The following IL1RAPL2 variants were observed in gnomAD, a reference collection of about 807,000 sequenced individuals.
The protein encoded by IL1RAPL2 is interleukin 1 receptor accessory protein like 2, also known as X-linked interleukin-1 receptor accessory protein-like 2.
A neutral mutation model predicts 44.1 loss-of-function variants in IL1RAPL2; 3 were observed. The observed-to-expected ratio is 0.07, with a 90% confidence interval of 0.03 to 0.18. The LOEUF (loss-of-function observed/expected upper bound fraction) is 0.18. Ranked by LOEUF, IL1RAPL2 falls within the 10% of genes least tolerant of loss-of-function variation. The pLI is 1.00. For missense variants in IL1RAPL2, 391 were observed against 496.4 expected (o/e 0.79, Z 2.02); for synonymous variants, 181 against 178.8 (o/e 1.01, Z -0.10).
intron 5 of IL1RAPL2, among the ~76,000 whole-genome samples, chrX:105,298,193 A>G: frequency 9.0e-6 from 1 of 111,630 alleles, no homozygotes; most frequent in Admixed American, 9.6e-5. Flanking sequence ...ATTATTACTA[A>G]CTATAACCAC....
chrX:105,090,182 T>G (rs1475541660), intron 2 of IL1RAPL2, among the ~76,000 whole-genome samples: 1 of 111,240 alleles, frequency 9.0e-6, no homozygotes, highest in Non-Finnish European at 1.9e-5. Flanking sequence ...GCCATGAAAC[T>G]GGCATAAATA....
At chrX:104,809,139 T>C (rs1932948595) in intron 2 of IL1RAPL2, among the ~76,000 whole-genome samples, 1 of 112,024 alleles carries the variant, frequency 8.9e-6, no homozygotes, top group Non-Finnish European at 1.9e-5. Flanking sequence ...CTGATAGTTA[T>C]GTTTGGCCAG....
At chrX:105,120,509 G>A (rs1389917944) in intron 2 of IL1RAPL2, among the ~76,000 whole-genome samples, 3 of 111,292 alleles carry the variant, frequency 2.7e-5, no homozygotes, top group Non-Finnish European at 5.7e-5. Flanking sequence ...AAACTGGTAT[G>A]TATGTGATGT....
intron 2 of IL1RAPL2, among the ~76,000 whole-genome samples, chrX:104,683,048 G>A (rs1930917615): frequency 9.0e-6 from 1 of 111,544 alleles, no homozygotes; most frequent in African/African-American, 3.3e-5. Context: ...CTGGTAAGAA[G>A]GGACCGGATC....
intron 6 of IL1RAPL2, among the ~76,000 whole-genome samples, chrX:105,706,050 G>A (rs2038163446): frequency 9.0e-6 from 1 of 110,696 alleles, no homozygotes; most frequent in Non-Finnish European, 1.9e-5. Flanking sequence ...GCTTATAAAG[G>A]AAAGGGCAGG....
At chrX:105,708,212 C>T (rs899566547) in intron 6 of IL1RAPL2, among the ~76,000 whole-genome samples, 1 of 111,279 alleles carries the variant, frequency 9.0e-6, no homozygotes, top group Non-Finnish European at 1.9e-5. Flanking sequence ...TTTCTAGAGT[C>T]ACGGTGTGCA....
rs185828357 is a variant in IL1RAPL2 at position 105,287,733 on chromosome X, G to T, written c.697+20192G>T. On this transcript the variant is annotated intron_variant, in intron 5 of 10. Transcript: ENST00000372582. ...GATGTGGAGTATCAGATAAATAGAT[G>T]AGTGTCTCTTAAGTGATGATTAGGT... is the stretch of plus-strand genomic sequence containing the variant. 1.1e-4 allele frequency among the ~76,000 whole-genome samples: 12 copies of T among 111,385 alleles called. No individual in the cohort carries two copies. In the East Asian group the frequency reaches 3.4e-3, roughly 32 times the overall value.
intron 6 of IL1RAPL2, among the ~76,000 whole-genome samples, chrX:105,640,654 G>GTATATATATATATATA (rs768814568): frequency 3.4e-5 from 2 of 59,475 alleles, no homozygotes; most frequent in Admixed American, 2.4e-4. Flanking sequence ...GTATGTGTGT[G>GTATATATATATATATA]TATATATATA....
At chrX:104,989,635 A>G (rs1204938449) in intron 2 of IL1RAPL2, among the ~76,000 whole-genome samples, 1 of 111,491 alleles carries the variant, frequency 9.0e-6, no homozygotes, top group Non-Finnish European at 1.9e-5. Flanking sequence ...ACATATGACT[A>G]TATTCCTTCA....
intron 5 of IL1RAPL2, among the ~76,000 whole-genome samples, chrX:105,428,548 G>A (rs950115304): frequency 1.8e-4 from 20 of 111,629 alleles, no homozygotes; most frequent in African/African-American, 6.5e-4. Flanking sequence ...TGCGAAAAGA[G>A]GGAGTTGTGT....
At chrX:104,905,667 C>G (rs1003338937) in intron 2 of IL1RAPL2, among the ~76,000 whole-genome samples, 1 of 111,434 alleles carries the variant, frequency 9.0e-6, no homozygotes, top group Non-Finnish European at 1.9e-5. Context: ...ATCTATATCT[C>G]TGTTTTGGTA....
chrX:105,535,980 A>G (rs1310141185), intron 6 of IL1RAPL2, among the ~76,000 whole-genome samples: 1 of 112,012 alleles, frequency 8.9e-6, no homozygotes, highest in African/African-American at 3.2e-5. Flanking sequence ...ACTTAATTTA[A>G]AAACAAAATT....
intron 5 of IL1RAPL2, among the ~76,000 whole-genome samples, chrX:105,450,930 G>T (rs1293906740): frequency 1.8e-5 from 2 of 110,018 alleles, no homozygotes; most frequent in Non-Finnish European, 3.8e-5. Flanking sequence ...GTGTGTGTGT[G>T]TGTGTGTGTG....
chrX:105,216,069 T>C (rs1402924197), intron 3 of IL1RAPL2, among the ~76,000 whole-genome samples: 1 of 111,282 alleles, frequency 9.0e-6, no homozygotes, highest in Non-Finnish European at 1.9e-5. Flanking sequence ...GGATGCCCTC[T>C]CACCACTCCT....
chrX:105,085,720 C>T (rs993752520), intron 2 of IL1RAPL2, among the ~76,000 whole-genome samples: 4 of 111,755 alleles, frequency 3.6e-5, no homozygotes, highest in East Asian at 2.8e-4. Flanking sequence ...CTGACTCTCA[C>T]GGCAGTTGAA....
intron 9 of IL1RAPL2, among the ~76,000 whole-genome samples, chrX:105,754,871 A>T (rs1440938891): frequency 8.9e-6 from 1 of 112,416 alleles, no homozygotes; most frequent in Non-Finnish European, 1.9e-5. Flanking sequence ...TTAGTCCTGC[A>T]TTCAAACACA....
chrX:105,138,565 T>G (rs1200858470), intron 2 of IL1RAPL2, among the ~76,000 whole-genome samples: 1 of 108,079 alleles, frequency 9.3e-6, no homozygotes, highest in Non-Finnish European at 1.9e-5. Flanking sequence ...AAGAAAGAAC[T>G]CCTTTGGGGT....
intron 2 of IL1RAPL2, among the ~76,000 whole-genome samples, chrX:105,009,368 G>A (rs1228075215): frequency 2.7e-5 from 3 of 109,582 alleles, no homozygotes; most frequent in Non-Finnish European, 5.7e-5. Context: ...AACAATGATA[G>A]ACTGGATTAA....
chrX:105,344,984 G>A (rs954110257), intron 5 of IL1RAPL2, among the ~76,000 whole-genome samples: 2 of 111,500 alleles, frequency 1.8e-5, no homozygotes, highest in East Asian at 2.8e-4. Flanking sequence ...CTTTCCCCTC[G>A]AAGCAAAATT....
Sources: gnomAD v4.1 joint callset for allele counts (sites outside exome capture counted in the v4.1 genomes callset) on GRCh38, gnomAD v4.1.1 for gene constraint, MANE v1.5 for transcripts, NCBI Gene and HGNC (gene_info 2026-07-23, HGNC 2026-07-21) for gene names.